The following GLRA3 variants were observed in gnomAD, a reference collection of about 807,000 sequenced individuals.
GLRA3 encodes glycine receptor alpha 3.
In GLRA3, 44 loss-of-function variants were observed where a neutral mutation model predicts 60.4. That is an observed-to-expected ratio of 0.73 (90% confidence interval 0.57 to 0.94). GLRA3 has a LOEUF of 0.94. Ranked by LOEUF, GLRA3 falls within the 40% of genes least tolerant of loss-of-function variation. GLRA3 has a pLI of 0.00. For synonymous variants in GLRA3, 223 were observed against 192.9 expected, an observed-to-expected ratio of 1.16 and a Z score of -1.29; for missense variants, 508 against 564.6, an observed-to-expected ratio of 0.90 and a Z score of 1.02.
intron 1 of GLRA3, among the ~76,000 whole-genome samples, chr4:174,828,376 A>T (rs1438453214): frequency 6.6e-6 from 1 of 152,252 alleles, no homozygotes; most frequent in African/African-American, 2.4e-5. Flanking sequence ...TCGTTTCTAA[A>T]TACTAAATGT....
intron 3 of GLRA3, among the ~76,000 whole-genome samples, chr4:174,757,734 T>A (rs932250224): frequency 1.3e-5 from 2 of 152,206 alleles, no homozygotes; most frequent in East Asian, 1.9e-4. Flanking sequence ...CAGAAATGGT[T>A]CCCTCAGGTA....
chr4:174,826,230 T>C (rs904872758), intron 1 of GLRA3, among the ~76,000 whole-genome samples: 4 of 152,174 alleles, frequency 2.6e-5, no homozygotes, highest in African/African-American at 9.7e-5. Flanking sequence ...ATTCATATAA[T>C]GGCATATGAT....
intron 1 of GLRA3, among the ~76,000 whole-genome samples, chr4:174,824,660 G>T (rs550369083): frequency 6.6e-6 from 1 of 152,118 alleles, no homozygotes; most frequent in East Asian, 1.9e-4. Context: ...TGTATCATTC[G>T]TTTTGCATAG....
intron 1 of GLRA3, among the ~76,000 whole-genome samples, chr4:174,817,863 T>C (rs545037232): frequency 9.7e-4 from 148 of 152,236 alleles, no homozygotes; most frequent in African/African-American, 3.3e-3. Context: ...CACCTCAGCC[T>C]CCCAAAGTGC....
intron 5 of GLRA3, among the ~76,000 whole-genome samples, chr4:174,708,106 A>C (rs188688094): frequency 6.6e-6 from 1 of 152,340 alleles, no homozygotes; most frequent in East Asian, 1.9e-4. Flanking sequence ...AACAAGAACC[A>C]TCTGTATTTC....
chr4:174,650,249 A>G (rs1732979809), intron 9 of GLRA3, among the ~76,000 whole-genome samples: 1 of 152,206 alleles, frequency 6.6e-6, no homozygotes, highest in South Asian at 2.1e-4. Flanking sequence ...TTTGGCAGGT[A>G]CATTTTGGAT....
intron 1 of GLRA3, among the ~76,000 whole-genome samples, chr4:174,791,855 T>G (rs1020960305): frequency 4.6e-5 from 7 of 152,212 alleles, no homozygotes; most frequent in East Asian, 1.9e-4. Context: ...GAGTTTGGTG[T>G]TGTTGCTCTT....
chr4:174,779,634 G>C lies in GLRA3; in HGVS notation c.199+9182C>G, dbSNP rs897633588. Among the ~76,000 whole-genome samples the C allele has an allele frequency of 7.7e-4, 117 of 152,258 alleles. 1 individual carries two copies. The highest frequency in any genetic ancestry group is 2.8e-3 in the African/African-American group (116 of 41,552). ...AGTGCTTAAAGGAGCTGACGGAGCT[G>C]AAAACCAAGGCTCGAGAACTACATG... is the stretch of plus-strand genomic sequence containing the variant. On this transcript the variant is annotated intron_variant, in intron 2 of 9. Transcript: ENST00000274093.
intron 2 of GLRA3, among the ~76,000 whole-genome samples, chr4:174,768,872 T>C (rs1738262027): frequency 6.6e-6 from 1 of 152,150 alleles, no homozygotes; most frequent in African/African-American, 2.4e-5. Flanking sequence ...CAGATACCTG[T>C]ATAAATAGAA....
At chr4:174,664,421 C>A (rs1439247665) in intron 7 of GLRA3, among the ~76,000 whole-genome samples, 1 of 151,990 alleles carries the variant, frequency 6.6e-6, no homozygotes, top group East Asian at 1.9e-4. Flanking sequence ...CCAAAACAAA[C>A]AAACAAAAAA....
chr4:174,668,928 T>C (rs1048799370), intron 7 of GLRA3, among the ~76,000 whole-genome samples: 3 of 152,142 alleles, frequency 2.0e-5, no homozygotes, highest in Non-Finnish European at 4.4e-5. Flanking sequence ...CATTCAATCC[T>C]GGTGGATTGC....
chr4:174,726,867 C>T (rs1485942), intron 4 of GLRA3, among the ~76,000 whole-genome samples: 86,902 of 151,676 alleles, frequency 0.57, 25,867 homozygotes, highest in South Asian at 0.7. Flanking sequence ...GAGGGGTGGA[C>T]TTTTGGTAAT....
At chr4:174,668,257 A>C (rs1733755093) in intron 7 of GLRA3, among the ~76,000 whole-genome samples, 1 of 152,150 alleles carries the variant, frequency 6.6e-6, no homozygotes, top group African/African-American at 2.4e-5. Context: ...TCTTTATAGC[A>C]ATGTGAAAAA....
intron 3 of GLRA3, among the ~76,000 whole-genome samples, chr4:174,739,691 A>G (rs1736936857): frequency 6.6e-6 from 1 of 152,174 alleles, no homozygotes; most frequent in Admixed American, 6.5e-5. Flanking sequence ...TCAAAATGCA[A>G]AGAGCTTGCA....
In GLRA3 at chr4:174,812,565, GA is replaced by G. The variant is rs528424201; in HGVS notation, c.71+16175del. On this transcript the variant is annotated intron_variant, in intron 1 of 9. Transcript: ENST00000274093. ...AAGGAGAAAATTAAACAATAAAGCA[GA>G]AAAAAAGAGTCTATAATTAAAAGTG... 9.2e-5 allele frequency among the ~76,000 whole-genome samples: 14 copies of G among 151,742 alleles called. No individual in the cohort carries two copies. The East Asian group carries it at 2.7e-3, about 29-fold the overall frequency.
At chr4:174,787,061 T>G (rs114863792) in intron 2 of GLRA3, among the ~76,000 whole-genome samples, 1,588 of 152,258 alleles carry the variant, frequency 0.01, 31 homozygotes, top group African/African-American at 0.037. Context: ...AATAATCACA[T>G]TTTTAAATAG....
intron 5 of GLRA3, among the ~76,000 whole-genome samples, chr4:174,691,283 C>A (rs1236404984): frequency 6.6e-6 from 1 of 152,166 alleles, no homozygotes; most frequent in East Asian, 1.9e-4. Context: ...TTGGATTTCT[C>A]TAATGGTCAG....
At chr4:174,733,365 A>G (rs1035181259) in intron 3 of GLRA3, among the ~76,000 whole-genome samples, 1 of 152,192 alleles carries the variant, frequency 6.6e-6, no homozygotes, top group African/African-American at 2.4e-5. Flanking sequence ...AAATATTTTT[A>G]AAGTTTTCTG....
chr4:174,724,710 T>C (rs1736255097), intron 4 of GLRA3, among the ~76,000 whole-genome samples: 1 of 152,174 alleles, frequency 6.6e-6, no homozygotes, highest in Non-Finnish European at 1.5e-5. Context: ...GCAGATTTAC[T>C]TGTGATTAAT....
Sources: allele counts gnomAD v4.1 joint callset (sites outside exome capture counted in the v4.1 genomes callset), GRCh38; gene constraint gnomAD v4.1.1; transcripts MANE v1.5; gene names NCBI Gene and HGNC (gene_info 2026-07-23, HGNC 2026-07-21).